Variants in RMDN2 observed in about 807,000 individuals in gnomAD.
RMDN2 encodes regulator of microtubule dynamics protein 2.
RMDN2 carries 61 observed loss-of-function variants against 52.8 expected under a neutral mutation model. The ratio of observed to expected loss-of-function variants is 1.16; its 90% confidence interval spans 0.94 to 1.43. RMDN2 has a LOEUF of 1.43. Among genes scored for constraint, RMDN2 ranks in the 40% most tolerant of loss-of-function variants. The pLI is 0.00. For synonymous variants in RMDN2, 180 were observed against 153.1 expected (o/e 1.18, Z -1.30); for missense variants, 592 against 475.3 (o/e 1.25, Z -2.28).
intron 2 of RMDN2, among the ~76,000 whole-genome samples, chr2:37,972,492 T>G (rs988143640): frequency 2.6e-5 from 4 of 152,074 alleles, no homozygotes; most frequent in Admixed American, 2.0e-4. Flanking sequence ...AGACCAGAGG[T>G]ATTGGCCAGA....
At chr2:38,056,372 C>G (rs1681856135) in intron 10 of RMDN2, among the ~76,000 whole-genome samples, 1 of 152,160 alleles carries the variant, frequency 6.6e-6, no homozygotes. Context: ...CTTCATACAC[C>G]ACTTACTACA....
At chr2:37,988,236 A>C (rs1674304759) in intron 5 of RMDN2, among the ~76,000 whole-genome samples, 1 of 152,212 alleles carries the variant, frequency 6.6e-6, no homozygotes, top group Non-Finnish European at 1.5e-5. Context: ...TTTATAAAGC[A>C]GTTTGAGAGT....
At chr2:37,989,892 C>G (rs1674531380) in intron 6 of RMDN2, among the ~76,000 whole-genome samples, 1 of 151,822 alleles carries the variant, frequency 6.6e-6, no homozygotes, top group Non-Finnish European at 1.5e-5. Flanking sequence ...GCCTGTAATC[C>G]CAGCACTTTG....
At chr2:37,928,343 C>G (rs1313046938) in intron 1 of RMDN2, among the ~76,000 whole-genome samples, 5 of 152,148 alleles carry the variant, frequency 3.3e-5, no homozygotes, top group Non-Finnish European at 7.3e-5. Flanking sequence ...CAGTAGACCA[C>G]CAAGGAAGCA....
At chr2:37,974,243 T>C (rs747563386) in intron 3 of RMDN2, 29 bp downstream of exon 3, 1 of 1,442,172 alleles carries the variant, frequency 6.9e-7, no homozygotes, top group South Asian at 1.5e-5. Flanking sequence ...GCACTTCGTA[T>C]AGTTCCATTT....
intron 10 of RMDN2, among the ~76,000 whole-genome samples, chr2:38,044,556 T>C (rs1681156818): frequency 6.6e-6 from 1 of 151,996 alleles, no homozygotes; most frequent in South Asian, 2.1e-4. Flanking sequence ...TTGTTATATG[T>C]TCTGTTTGGG....
At chr2:38,037,867 G>A (rs915641300) in intron 10 of RMDN2, among the ~76,000 whole-genome samples, 14 of 152,162 alleles carry the variant, frequency 9.2e-5, no homozygotes, top group Non-Finnish European at 1.9e-4. Context: ...AGGTTAAGTA[G>A]CTCACACGGT....
intron 5 of RMDN2, among the ~76,000 whole-genome samples, chr2:37,981,602 C>T (rs754820033): frequency 7.2e-5 from 11 of 152,110 alleles, no homozygotes; most frequent in South Asian, 2.1e-4. Flanking sequence ...GAAGATGATA[C>T]GTTATAATTA....
chr2:37,992,878 G>C (rs1190235625), intron 7 of RMDN2, among the ~76,000 whole-genome samples: 2 of 152,068 alleles, frequency 1.3e-5, no homozygotes, highest in Non-Finnish European at 2.9e-5. Context: ...TAATAAGCAG[G>C]AGAACAGGAT....
chr2:37,922,782 G>C (rs761260005), upstream of RMDN2, among the ~76,000 whole-genome samples: 4 of 152,202 alleles, frequency 2.6e-5, no homozygotes, highest in Non-Finnish European at 5.9e-5. Flanking sequence ...AGCTTCTCAA[G>C]GGAAAGAGGT....
At chr2:37,999,026 A>G (rs1483126169) in intron 8 of RMDN2, among the ~76,000 whole-genome samples, 1 of 152,246 alleles carries the variant, frequency 6.6e-6, no homozygotes, top group African/African-American at 2.4e-5. Flanking sequence ...TTAACTAGCA[A>G]AAATGTTATC....
intron 7 of RMDN2, among the ~76,000 whole-genome samples, chr2:37,993,428 A>T (rs750779289): frequency 1.3e-5 from 2 of 152,178 alleles, no homozygotes; most frequent in African/African-American, 4.8e-5. Context: ...AGAGAACTCA[A>T]AATTTTCTGG....
At chr2:37,997,961 A>G (rs1011935929) in intron 8 of RMDN2, 7 of 173,148 alleles carry the variant, frequency 4.0e-5, no homozygotes, top group South Asian at 3.1e-4. Context: ...GCTAACTCCT[A>G]AAGTTGCAGA....
At chr2:37,965,371 T>G (rs2125037591) in intron 2 of RMDN2, among the ~76,000 whole-genome samples, 1 of 151,766 alleles carries the variant, frequency 6.6e-6, no homozygotes, top group African/African-American at 2.4e-5. Context: ...ATGTTTTGAT[T>G]TCCTTTTACA....
chr2:38,035,168 A>C (rs1180832676), intron 10 of RMDN2, among the ~76,000 whole-genome samples: 1 of 152,184 alleles, frequency 6.6e-6, no homozygotes, highest in African/African-American at 2.4e-5. Flanking sequence ...AGCCATGACA[A>C]ATACAGATGG....
intron 2 of RMDN2, chr2:37,950,288 C>T: frequency 1.8e-6 from 1 of 562,152 alleles, no homozygotes; most frequent in Non-Finnish European, 3.1e-6. Context: ...GCTGTTTTCC[C>T]ACCCCTGGAT....
At chr2:37,922,903 GTGC>G (rs1293377732), upstream of RMDN2, among the ~76,000 whole-genome samples, 1 of 152,240 alleles carries the variant, frequency 6.6e-6, no homozygotes, top group African/African-American at 2.4e-5. Context: ...AGCTTAGCTA[GTGC>G]TGAAGTGTAG....
chr2:38,005,056 C>G (rs982116287), intron 10 of RMDN2, among the ~76,000 whole-genome samples: 6 of 152,170 alleles, frequency 3.9e-5, no homozygotes, highest in African/African-American at 1.2e-4. Flanking sequence ...GCATAGTATT[C>G]CATGGTGTAT....
At chr2:38,038,200 A>C (rs1220079486) in intron 10 of RMDN2, among the ~76,000 whole-genome samples, 2 of 151,964 alleles carry the variant, frequency 1.3e-5, no homozygotes, top group South Asian at 2.1e-4. Context: ...GGGACTTTCC[A>C]CTGGAGGCTC....
Sources: allele counts gnomAD v4.1 joint callset (sites outside exome capture counted in the v4.1 genomes callset), GRCh38; gene constraint gnomAD v4.1.1; transcripts MANE v1.5; gene names NCBI Gene and HGNC (gene_info 2026-07-23, HGNC 2026-07-21).